EPHA6: variants seen among roughly 807,000 people sequenced by gnomAD.
EPHA6 encodes the protein EPH receptor A6, also known as ephrin type-A receptor 6.
In EPHA6, 50 loss-of-function variants were observed where a neutral mutation model predicts 112.0. That is an observed-to-expected ratio of 0.45 (90% CI 0.36 to 0.56). The LOEUF (loss-of-function observed/expected upper bound fraction) is 0.56. Ranked by LOEUF, EPHA6 falls within the 20% of genes least tolerant of loss-of-function variation. EPHA6 has a pLI of 0.00. For missense variants in EPHA6, 1,280 were observed against 1,417.4 expected (o/e 0.90, Z 1.56); for synonymous variants, 529 against 490.7 (o/e 1.08, Z -1.03).
chr3:97,028,395 A>G (rs558395663), intron 3 of EPHA6, among the ~76,000 whole-genome samples: 1 of 152,262 alleles, frequency 6.6e-6, no homozygotes, highest in South Asian at 2.1e-4. Flanking sequence ...TAGGAGCTCA[A>G]TAAAAGTGTC....
At chr3:97,474,953 G>A (rs2091327174) in intron 7 of EPHA6, among the ~76,000 whole-genome samples, 1 of 152,026 alleles carries the variant, frequency 6.6e-6, no homozygotes, top group African/African-American at 2.4e-5. Context: ...TGTGAAAACA[G>A]ATATCAAAAC....
At chr3:97,254,569 T>G (rs1438801974) in intron 5 of EPHA6, among the ~76,000 whole-genome samples, 2 of 152,214 alleles carry the variant, frequency 1.3e-5, no homozygotes, top group Non-Finnish European at 2.9e-5. Context: ...CTGAATTGTA[T>G]TAACCAAATT....
intron 15 of EPHA6, among the ~76,000 whole-genome samples, chr3:97,723,284 G>T (rs1469376219): frequency 6.6e-6 from 1 of 152,110 alleles, no homozygotes; most frequent in East Asian, 1.9e-4. Context: ...CATGTAAATT[G>T]TTCTTAATAA....
At chr3:97,710,531 G>A (rs1040879901) in intron 14 of EPHA6, among the ~76,000 whole-genome samples, 7 of 152,166 alleles carry the variant, frequency 4.6e-5, no homozygotes, top group African/African-American at 1.7e-4. Flanking sequence ...AACACTTCCT[G>A]TCTGTTTCCT....
rs934785325 is a variant in EPHA6 at position 97,750,300 on chromosome 3, T to G, written c.*1599T>G. ...ATTCATTTTTTGTCATAGTAGTGGT[T>G]TTTTTTTTTTAAATAAAGGACCCTG... On this transcript the variant is annotated 3_prime_UTR_variant, in exon 18 of 18. Coordinates refer to ENST00000389672, the MANE Select transcript of EPHA6 (RefSeq NM_001080448.3). Among the ~76,000 whole-genome samples, 2 of 82,318 alleles carry G rather than the reference T, an allele frequency of 2.4e-5. No individual in the cohort carries two copies. Among genetic ancestry groups the G allele is most frequent in the Non-Finnish European group, 6.0e-5 (2 of 33,082 alleles). The allele number at this position is 82,318 out of a possible 152,430, so 54.0% of individuals were successfully genotyped here.
chr3:97,525,443 C>T (rs1255120596), intron 10 of EPHA6, among the ~76,000 whole-genome samples: 2 of 152,144 alleles, frequency 1.3e-5, no homozygotes, highest in Non-Finnish European at 2.9e-5. Flanking sequence ...TTTCTTTGAG[C>T]TTCTTGAAGA....
At chr3:97,573,024 T>C (rs1314521985) in intron 11 of EPHA6, among the ~76,000 whole-genome samples, 1 of 152,160 alleles carries the variant, frequency 6.6e-6, no homozygotes, top group Non-Finnish European at 1.5e-5. Context: ...CTTAACAAAA[T>C]CCATATAAAA....
Position 97,226,276 on chromosome 3 carries a change from G to A in EPHA6, c.1127G>A (p.Gly376Glu). The change falls in exon 4 of 18, where the codon GGA (glycine) becomes GAA (glutamate). Residue 376 changes from glycine to glutamate, a missense_variant. Gly to Glu is a moderately conservative substitution (Grantham distance 98). Coordinates refer to ENST00000389672, the MANE Select transcript of EPHA6 (RefSeq NM_001080448.3). ...IEGSCHACRP[G>E]FYKAFAGNTK... is the part of the protein sequence containing the mutation. ...TCTCTTTTTACAGCTTGCAGACCAG[G>A]ATTCTATAAAGCTTTTGCTGGGAAC... 1 of 1,604,770 alleles carries A rather than the reference G, an allele frequency of 6.2e-7. No homozygotes were observed. Among genetic ancestry groups the A allele is most frequent in the Non-Finnish European group, 8.5e-7 (1 of 1,176,880 alleles).
chr3:97,073,213 A>G (rs556545330), intron 3 of EPHA6, among the ~76,000 whole-genome samples: 6 of 152,292 alleles, frequency 3.9e-5, no homozygotes, highest in African/African-American at 2.4e-5. Context: ...TTAAAAATCT[A>G]TCAGGACAAG....
chr3:97,692,744 T>A (rs2032752617), intron 14 of EPHA6, among the ~76,000 whole-genome samples: 1 of 152,228 alleles, frequency 6.6e-6, no homozygotes, highest in African/African-American at 2.4e-5. Flanking sequence ...CATACTCACA[T>A]CACTGTGGCT....
rs536093313 is a variant in EPHA6, at chr3:97,601,371, GC to G, written c.2512+8635del. 8.5e-4 allele frequency among the ~76,000 whole-genome samples: 129 copies of G among 152,168 alleles called. 1 individual carries two copies. Among genetic ancestry groups the G allele is most frequent in the African/African-American group, 2.5e-3 (104 of 41,526 alleles). On this transcript the variant is annotated intron_variant, in intron 12 of 17. Transcript: ENST00000389672. The stretch of plus-strand genomic sequence containing the variant: ...AATTGGGAACATAATAAGAAACTAG[GC>G]TGCTCAGCTGTCTATTCCTCTCCAG...
At chr3:97,714,734 G>A (rs552178474) in intron 14 of EPHA6, among the ~76,000 whole-genome samples, 1 of 152,106 alleles carries the variant, frequency 6.6e-6, no homozygotes, top group East Asian at 1.9e-4. Context: ...GACTTTTTGG[G>A]ACACCATAGT....
In EPHA6 at chr3:97,075,661, TCTC is replaced by T. The variant is rs1381391873; in HGVS notation, c.1114+87669_1114+87671del. ...AACAAGTATATTAATTATAGACATA[TCTC>T]ATTTCATTGTGCTCACTTAATTGTG... On this transcript the variant is annotated intron_variant, in intron 3 of 17. Coordinates refer to ENST00000389672, the MANE Select transcript of EPHA6 (RefSeq NM_001080448.3). Among the ~76,000 whole-genome samples the T allele has an allele frequency of 2.0e-5, 3 of 152,010 alleles. No homozygotes were observed. The East Asian group carries it at 5.8e-4, about 29-fold the overall frequency.
chr3:97,218,614 C>T (rs959470113), intron 3 of EPHA6, among the ~76,000 whole-genome samples: 3 of 152,138 alleles, frequency 2.0e-5, no homozygotes, highest in African/African-American at 7.2e-5. Context: ...CCTGGTCTCT[C>T]CCTTGACACA....
chr3:97,482,010 G>A (rs989362415), intron 9 of EPHA6, among the ~76,000 whole-genome samples: 2 of 152,196 alleles, frequency 1.3e-5, no homozygotes, highest in Admixed American at 6.5e-5. Context: ...AGACAGCCAA[G>A]GAGGTAGAAG....
At chr3:97,433,077 A>T (rs1484475319) in intron 6 of EPHA6, among the ~76,000 whole-genome samples, 1 of 152,168 alleles carries the variant, frequency 6.6e-6, no homozygotes, top group East Asian at 1.9e-4. Flanking sequence ...TACGGCATAG[A>T]TATCCTCCTA....
At chr3:97,466,131 T>C in intron 7 of EPHA6, 1 of 526,520 alleles carries the variant, frequency 1.9e-6, no homozygotes, top group Non-Finnish European at 3.5e-6. Flanking sequence ...AGTCTTTCTG[T>C]AGAAAAAGGT....
chr3:97,296,627 C>A (rs1382456773), intron 5 of EPHA6, among the ~76,000 whole-genome samples: 1 of 152,178 alleles, frequency 6.6e-6, no homozygotes, highest in Non-Finnish European at 1.5e-5. Context: ...CCAGCAGCAG[C>A]AGTGGCAGTG....
chr3:97,598,450 A>G (rs1214882391), intron 12 of EPHA6, among the ~76,000 whole-genome samples: 3 of 118,088 alleles, frequency 2.5e-5, no homozygotes, highest in Non-Finnish European at 4.9e-5. Context: ...AGAGTGTGAT[A>G]TTCCCCTTCC....
Sources: allele counts gnomAD v4.1 joint callset (sites outside exome capture counted in the v4.1 genomes callset), GRCh38; gene constraint gnomAD v4.1.1; transcripts MANE v1.5; gene names NCBI Gene and HGNC (gene_info 2026-07-23, HGNC 2026-07-21).